Variants in SLC24A2 observed in about 807,000 individuals in gnomAD.
The protein encoded by SLC24A2 is sodium/potassium/calcium exchanger 2.
A neutral mutation model predicts 62.0 loss-of-function variants in SLC24A2; 36 were observed. The observed-to-expected ratio is 0.58, with a 90% CI of 0.44 to 0.77. The LOEUF (loss-of-function observed/expected upper bound fraction) is 0.77, where lower values mean the gene tolerates loss of function less well. SLC24A2 is among the 30% of genes least tolerant of loss of function. The probability of loss-of-function intolerance (pLI) is 0.00; values close to 1 mark genes in which losing one functional copy is unlikely to be tolerated. For missense variants in SLC24A2, 846 were observed against 817.9 expected (o/e 1.03, Z -0.42); for synonymous variants, 358 against 294.0 (o/e 1.22, Z -2.23).
At chr9:20,043,658 A>G in the SLC24A2 span, among the ~76,000 whole-genome samples, 1 of 152,224 alleles carries the variant, frequency 6.6e-6, no homozygotes, top group Non-Finnish European at 1.5e-5. Context: ...GAGAACTTGA[A>G]TTAGAAGTGA....
chr9:20,188,776 C>A, the SLC24A2 span, among the ~76,000 whole-genome samples: 41 of 152,256 alleles, frequency 2.7e-4, 1 homozygote, highest in East Asian at 2.7e-3. Flanking sequence ...GAAACAGATG[C>A]TCCCTAGAGC....
At chr9:19,559,556 C>A (rs1399029272) in intron 7 of SLC24A2, among the ~76,000 whole-genome samples, 1 of 152,094 alleles carries the variant, frequency 6.6e-6, no homozygotes, top group African/African-American at 2.4e-5. Context: ...GAGCTGAAAA[C>A]AATGGTAGAG....
the SLC24A2 span, among the ~76,000 whole-genome samples, chr9:20,172,459 T>C: frequency 1.3e-5 from 2 of 151,538 alleles, no homozygotes; most frequent in Non-Finnish European, 2.9e-5. Flanking sequence ...TTAGCAAGAG[T>C]AACCAAGAAA....
At chr9:20,229,855 G>T in the SLC24A2 span, among the ~76,000 whole-genome samples, 3 of 151,520 alleles carry the variant, frequency 2.0e-5, no homozygotes, top group Non-Finnish European at 4.4e-5. Flanking sequence ...TTAGCATTAG[G>T]TATATGTCCT....
chr9:20,190,139 G>A, the SLC24A2 span, among the ~76,000 whole-genome samples: 1 of 152,144 alleles, frequency 6.6e-6, no homozygotes, highest in Admixed American at 6.6e-5. Context: ...CATGAAGCCT[G>A]GCAAAAGAGG....
the SLC24A2 span, among the ~76,000 whole-genome samples, chr9:19,878,578 T>C: frequency 6.0e-4 from 91 of 152,216 alleles, no homozygotes; most frequent in African/African-American, 2.0e-3. Flanking sequence ...GGGAGGTGAT[T>C]GGATCATGGG....
the SLC24A2 span, among the ~76,000 whole-genome samples, chr9:19,860,488 G>T: frequency 6.6e-6 from 1 of 152,128 alleles, no homozygotes; most frequent in Non-Finnish European, 1.5e-5. Flanking sequence ...AGACTTGATG[G>T]GTTCAGGTGA....
the SLC24A2 span, among the ~76,000 whole-genome samples, chr9:19,844,263 T>G: frequency 6.6e-6 from 1 of 152,216 alleles, no homozygotes; most frequent in Non-Finnish European, 1.5e-5. Flanking sequence ...CTTTCTCTAG[T>G]GATCAATGAC....
At chr9:20,061,769 T>C in the SLC24A2 span, among the ~76,000 whole-genome samples, 2 of 152,044 alleles carry the variant, frequency 1.3e-5, no homozygotes, top group African/African-American at 4.8e-5. Flanking sequence ...GTACGGCCTT[T>C]GGTTAGTCAA....
chr9:19,910,913 TTTTTTA>T, the SLC24A2 span, among the ~76,000 whole-genome samples: 22 of 151,214 alleles, frequency 1.5e-4, no homozygotes, highest in Non-Finnish European at 1.9e-4. Context: ...TTTTCTTTTA[TTTTTTA>T]TTTTATTATT....
chr9:20,000,337 T>A, the SLC24A2 span, among the ~76,000 whole-genome samples: 1 of 152,164 alleles, frequency 6.6e-6, no homozygotes, highest in Admixed American at 6.5e-5. Context: ...AGTATGCAGC[T>A]AGTTAGTAGC....
the SLC24A2 span, among the ~76,000 whole-genome samples, chr9:19,880,801 G>A: frequency 2.6e-5 from 4 of 152,146 alleles, no homozygotes; most frequent in African/African-American, 9.7e-5. Flanking sequence ...TCATCTTAAC[G>A]ATCAAACCAA....
At chr9:20,194,193 G>A in the SLC24A2 span, among the ~76,000 whole-genome samples, 1 of 152,058 alleles carries the variant, frequency 6.6e-6, no homozygotes, top group Admixed American at 6.6e-5. Flanking sequence ...TTTTAAGCAT[G>A]TCATGAAAAC....
the SLC24A2 span, chr9:19,927,421 G>C: frequency 6.6e-6 from 1 of 152,320 alleles, no homozygotes; most frequent in South Asian, 2.1e-4. Flanking sequence ...CGGATCTAAT[G>C]AAAGTCAAGA....
chr9:20,103,146 G>A, the SLC24A2 span, among the ~76,000 whole-genome samples: 3 of 152,202 alleles, frequency 2.0e-5, no homozygotes, highest in South Asian at 2.1e-4. Context: ...GGCTGAGGGA[G>A]GGGCACCCAC....
chr9:19,527,440 T>C (rs1833491884), intron 9 of SLC24A2, among the ~76,000 whole-genome samples: 1 of 152,218 alleles, frequency 6.6e-6, no homozygotes, highest in South Asian at 2.1e-4. Context: ...TGTGAATTGT[T>C]GGGTGTGTAG....
At chr9:20,057,083 C>T in the SLC24A2 span, among the ~76,000 whole-genome samples, 7 of 152,160 alleles carry the variant, frequency 4.6e-5, no homozygotes, top group African/African-American at 1.4e-4. Flanking sequence ...CTTGATTGAA[C>T]CCCAAGTGGG....
intron 8 of SLC24A2, among the ~76,000 whole-genome samples, chr9:19,532,613 C>G (rs569646946): frequency 6.6e-6 from 1 of 152,214 alleles, no homozygotes; most frequent in South Asian, 2.1e-4. Flanking sequence ...GATAAAGAAA[C>G]TGATAATTGG....
chr9:19,960,251 G>T, the SLC24A2 span, among the ~76,000 whole-genome samples: 7 of 152,036 alleles, frequency 4.6e-5, no homozygotes, highest in African/African-American at 7.2e-5. Flanking sequence ...CTTTTACTGA[G>T]CAATGCTTAC....
Sources: allele counts gnomAD v4.1 joint callset (sites outside exome capture counted in the v4.1 genomes callset), GRCh38; gene constraint gnomAD v4.1.1; transcripts MANE v1.5; gene names NCBI Gene and HGNC (gene_info 2026-07-23, HGNC 2026-07-21).